Variants in KIF13B observed in about 807,000 individuals in gnomAD.
The protein encoded by KIF13B is kinesin family member 13B.
In KIF13B, 127 loss-of-function variants were observed where a neutral mutation model predicts 222.0. The observed-to-expected ratio is 0.57, with a 90% CI of 0.50 to 0.66. The LOEUF (loss-of-function observed/expected upper bound fraction) is 0.66, where lower values mean the gene tolerates loss of function less well. Among genes scored for constraint, KIF13B ranks in the 30% least tolerant of loss-of-function variants. The pLI, the probability that KIF13B is intolerant of heterozygous loss-of-function variation, is 0.00. For synonymous variants in KIF13B, 976 were observed against 919.0 expected (o/e 1.06, Z -1.12); for missense variants, 2,173 against 2,379.0 (o/e 0.91, Z 1.80).
chr8:29,095,757 A>C (rs182358787), intron 36 of KIF13B, among the ~76,000 whole-genome samples: 127 of 152,188 alleles, frequency 8.3e-4, no homozygotes, highest in Non-Finnish European at 1.5e-3. Flanking sequence ...ACAAGAGCAA[A>C]ACTTCATCTC....
chr8:29,156,686 T>A (rs1050241247), intron 13 of KIF13B, among the ~76,000 whole-genome samples: 4 of 150,756 alleles, frequency 2.7e-5, no homozygotes, highest in Non-Finnish European at 5.9e-5. Context: ...CTAATTTTTT[T>A]TTTTTTTTTT....
intron 38 of KIF13B, among the ~76,000 whole-genome samples, chr8:29,074,885 T>C (rs1807479722): frequency 6.6e-6 from 1 of 152,216 alleles, no homozygotes; most frequent in East Asian, 1.9e-4. Flanking sequence ...TGTGGGAGAT[T>C]ATAAGAGACT....
Position 29,071,973 on chromosome 8 carries a change from G to C in KIF13B, c.4865C>G (p.Pro1622Arg), listed in dbSNP as rs1406724373. ...GGGGCTCACGAGCTGCTGGGGGCCA[G>C]GGGGCTCCTCGGCGGGGACGGCCGT... The part of the protein sequence containing the change: ...PPTAVPAEEP[P>R]GPQQLVSPGR... The change falls in exon 39 of 40, where the codon CCT becomes CGT. Residue 1622 changes from proline to arginine, a missense_variant. Coordinates refer to ENST00000524189, the MANE Select transcript of KIF13B (RefSeq NM_015254.4). The surrounding 1 kb of genome is among the most constrained non-coding windows in gnomAD (Gnocchi z 4.9). The C allele has an allele frequency of 4.5e-6, 6 of 1,321,240 alleles. No homozygotes were observed. Among genetic ancestry groups the C allele is most frequent in the Non-Finnish European group, 5.8e-6 (6 of 1,039,392 alleles). 81.8% of individuals were successfully genotyped at this position (1,321,240 alleles called of 1,614,324 possible). A position where few individuals can be genotyped will look rare whatever the true frequency, so the allele number is the denominator to read the frequency against.
At chr8:29,183,177 T>TTG (rs1044241073) in intron 6 of KIF13B, among the ~76,000 whole-genome samples, 1 of 150,018 alleles carries the variant, frequency 6.7e-6, no homozygotes, top group African/African-American at 2.5e-5. Context: ...TGTTTTTTTT[T>TTG]TTTTTTTTTT....
chr8:29,104,806 C>T lies in KIF13B; in HGVS notation c.4215+3333G>A, dbSNP rs967726260. The stretch of plus-strand genomic sequence containing the variant: ...TCGCCCAGGCTGGAGTGCAGTGGCG[C>T]GATCTCGGCTCACTGCAGGCTCCGC... On this transcript the variant is annotated intron_variant, in intron 35 of 39. Coordinates refer to ENST00000524189, the MANE Select transcript of KIF13B (RefSeq NM_015254.4). Among the ~76,000 whole-genome samples the T allele has an allele frequency of 2.6e-5, 4 of 152,072 alleles. No homozygotes were observed. The South Asian group carries it at 6.2e-4, about 24-fold the overall frequency.
intron 29 of KIF13B, among the ~76,000 whole-genome samples, chr8:29,119,928 G>T (rs1809778419): frequency 6.6e-6 from 1 of 152,176 alleles, no homozygotes; most frequent in African/African-American, 2.4e-5. Context: ...CTAGGTGGAA[G>T]AAAACCACGG....
chr8:29,132,491 A>G (rs766051780), intron 22 of KIF13B, 26 bp from the exon 23 acceptor site: 64 of 1,411,658 alleles, frequency 4.5e-5, no homozygotes, highest in Non-Finnish European at 5.9e-5. Context: ...TAATTACAGA[A>G]GAGCAAACTC....
At position 29,148,736 on chromosome 8, in the gene KIF13B, C is replaced by T; in HGVS notation, c.1654G>A (p.Glu552Lys). 2 of 1,598,934 alleles carry T rather than the reference C, an allele frequency of 1.3e-6. No individual in the cohort carries two copies. The highest frequency in any genetic ancestry group is 1.7e-6 in the Non-Finnish European group (2 of 1,173,820). The change falls in exon 16 of 40, where the codon GAA (glutamate) becomes AAA (lysine). Residue 552 changes from glutamate (E) to lysine (K), a missense_variant. Transcript: ENST00000524189. ...LNLPKKKKKA[E>K]REDEDQDPSM... ...GGATCCTGGTCCTCATCCTCTCGTT[C>T]TGCTTTCTTTTTCTTTTTAGGCAAA...
In KIF13B at chr8:29,176,140, T is replaced by C; in HGVS notation, c.873A>G (p.Ala291=). The change falls in exon 10 of 40, where the codon GCA becomes GCG. Residue 291 remains alanine, a synonymous_variant. Coordinates refer to ENST00000524189, the MANE Select transcript of KIF13B (RefSeq NM_015254.4). Reference sequence around the variant, plus strand: ...TCTTGTTTTTGCCAGCACTCTGATCTGCAAGAGCTGAGATAACCAGACCGA... The same window carrying C: ...TCTTGTTTTTGCCAGCACTCTGATCCGCAAGAGCTGAGATAACCAGACCGA... ...TTLGLVISAL[A]DQSAGKNKNK... The C allele has an allele frequency of 6.2e-7, 1 of 1,613,742 alleles. No individual in the cohort carries two copies. The highest frequency in any genetic ancestry group is 8.5e-7 in the Non-Finnish European group (1 of 1,179,712).
At chr8:29,139,214 C>A (rs1182021636) in intron 21 of KIF13B, among the ~76,000 whole-genome samples, 1 of 152,072 alleles carries the variant, frequency 6.6e-6, no homozygotes, top group Admixed American at 6.6e-5. Flanking sequence ...TTTTAGGAAG[C>A]CCATATGACT....
At chr8:29,109,382 G>A (rs1276924884) in intron 34 of KIF13B, 52 bp downstream of exon 34, 1 of 1,359,022 alleles carries the variant, frequency 7.4e-7, no homozygotes, top group African/African-American at 1.4e-5. Flanking sequence ...CAAGAAAAGA[G>A]GAGAGGAGAG....
At position 29,070,406 on chromosome 8, in the gene KIF13B, G is replaced by A. The variant is rs1054727945; in HGVS notation, c.*98C>T. ...AAAAGCATTCATCGCCCTGCCCCTG[G>A]GGAAGGGGCCACCGGGCTCCTGGCT... is the stretch of plus-strand genomic sequence containing the variant. On this transcript the variant is annotated 3_prime_UTR_variant, in exon 40 of 40. Coordinates refer to ENST00000524189, the MANE Select transcript of KIF13B (RefSeq NM_015254.4). The surrounding 1 kb of genome is among the most constrained non-coding windows in gnomAD (Gnocchi z 4.1). The A allele has an allele frequency of 1.5e-6, 2 of 1,371,244 alleles. No individual in the cohort carries two copies. Among genetic ancestry groups the A allele is most frequent in the African/African-American group, 1.4e-5 (1 of 69,044 alleles). The allele number at this position is 1,371,244 out of a possible 1,614,324, so 84.9% of individuals were successfully genotyped here.
At chr8:29,135,803 C>T (rs1285983533) in intron 21 of KIF13B, among the ~76,000 whole-genome samples, 3 of 152,056 alleles carry the variant, frequency 2.0e-5, no homozygotes, top group Admixed American at 6.5e-5. Flanking sequence ...GGCTCAGACA[C>T]GAGAATCGCT....
rs1028955100 is a variant in KIF13B at position 29,261,048 on chromosome 8, A to G, written c.55+1932T>C. On this transcript the variant is annotated intron_variant, in intron 1 of 39. Transcript: ENST00000524189. ...AATTACTTCATAACAAAAATGGAAA[A>G]GAACAAATTTATGTGTGGTAATCAC... Among the ~76,000 whole-genome samples, 28 of 152,230 alleles carry G rather than the reference A, an allele frequency of 1.8e-4. 1 individual carries two copies. Among genetic ancestry groups the G allele is most frequent in the Admixed American group, 1.3e-3 (20 of 15,284 alleles).
At chr8:29,098,983 A>G in intron 36 of KIF13B, 150 bp downstream of exon 36, 2 of 691,624 alleles carry the variant, frequency 2.9e-6, no homozygotes, top group Non-Finnish European at 5.2e-6. Context: ...TCCAGAGCCA[A>G]TGGAACTCAA....
At chr8:29,084,760 C>G (rs546070372) in intron 37 of KIF13B, among the ~76,000 whole-genome samples, 3 of 152,332 alleles carry the variant, frequency 2.0e-5, no homozygotes, top group Non-Finnish European at 4.4e-5. Flanking sequence ...TTCAATCTAA[C>G]TAATTAGAGA....
intron 2 of KIF13B, among the ~76,000 whole-genome samples, chr8:29,211,037 G>A (rs1435566473): frequency 3.3e-5 from 5 of 152,216 alleles, no homozygotes; most frequent in Non-Finnish European, 5.9e-5. Flanking sequence ...AAAGGGCCAC[G>A]GCCTAGGAGG....
chr8:29,110,096 TA>T lies in KIF13B; in HGVS notation c.3931-27del, dbSNP rs773704439. 5 of 1,548,132 alleles carry T rather than the reference TA, an allele frequency of 3.2e-6. No individual in the cohort carries two copies. In the African/African-American group the frequency reaches 6.9e-5, roughly 21 times the overall value. ...CTGAGCAGTGGAAAGTTATACATTA[TA>T]AAAGCTTCTTGATGTACACACACAC... On this transcript the variant is annotated intron_variant, in intron 32 of 39. Transcript: ENST00000524189.
At chr8:29,242,273 A>G (rs1275239233) in intron 2 of KIF13B, among the ~76,000 whole-genome samples, 4 of 152,032 alleles carry the variant, frequency 2.6e-5, no homozygotes, top group African/African-American at 9.7e-5. Flanking sequence ...ACAACAAAAA[A>G]CCCCAAACAA....
Sources: gnomAD v4.1 joint callset for allele counts (sites outside exome capture counted in the v4.1 genomes callset) on GRCh38, gnomAD v4.1.1 for gene constraint, Gnocchi (gnomAD v3.1) non-coding constraint, MANE v1.5 for transcripts, NCBI Gene and HGNC (gene_info 2026-07-23, HGNC 2026-07-21) for gene names.